IMMP2L: variants seen among roughly 807,000 people sequenced by gnomAD.
The protein encoded by IMMP2L is inner mitochondrial membrane peptidase subunit 2.
In IMMP2L, 18 loss-of-function variants were observed where a neutral mutation model predicts 19.3. The observed-to-expected ratio is 0.93, with a 90% CI of 0.64 to 1.38. IMMP2L has a LOEUF of 1.38. Ranked by LOEUF, IMMP2L falls within the 40% of genes most tolerant of loss-of-function variation. The pLI is 0.00. For synonymous variants in IMMP2L, 76 were observed against 73.0 expected, an observed-to-expected ratio of 1.04 and a Z score of -0.21; for missense variants, 233 against 218.2, an observed-to-expected ratio of 1.07 and a Z score of -0.43.
intron 4 of IMMP2L, among the ~76,000 whole-genome samples, chr7:110,933,072 C>T (rs1333252506): frequency 6.6e-6 from 1 of 152,208 alleles, no homozygotes; most frequent in East Asian, 1.9e-4. Flanking sequence ...GAAACGACAG[C>T]TATATTAACT....
intron 3 of IMMP2L, among the ~76,000 whole-genome samples, chr7:111,118,151 CATT>C (rs1800121416): frequency 6.6e-6 from 1 of 152,094 alleles, no homozygotes; most frequent in Non-Finnish European, 1.5e-5. Flanking sequence ...TACTGTGCAT[CATT>C]GTCCTCAGCT....
At chr7:111,529,992 C>A (rs1376863635) in intron 1 of IMMP2L, among the ~76,000 whole-genome samples, 1 of 152,172 alleles carries the variant, frequency 6.6e-6, no homozygotes, top group African/African-American at 2.4e-5. Context: ...TTTATGCACA[C>A]CCTTCCCTCT....
intron 5 of IMMP2L, among the ~76,000 whole-genome samples, chr7:110,835,355 C>T (rs1053667352): frequency 2.6e-5 from 4 of 152,020 alleles, no homozygotes; most frequent in Non-Finnish European, 4.4e-5. Context: ...ATCCACTTAC[C>T]TAATATGCGG....
At chr7:110,861,486 T>C (rs1380625995) in intron 5 of IMMP2L, among the ~76,000 whole-genome samples, 1 of 151,926 alleles carries the variant, frequency 6.6e-6, no homozygotes, top group Non-Finnish European at 1.5e-5. Context: ...AGGCTGGTCT[T>C]GAACTCCTAG....
chr7:111,197,381 T>C (rs967343662), intron 3 of IMMP2L, among the ~76,000 whole-genome samples: 2 of 152,088 alleles, frequency 1.3e-5, no homozygotes, highest in Admixed American at 6.5e-5. Context: ...GAGAACGGCG[T>C]GAACCCAGGA....
chr7:110,713,239 G>A (rs1281337697), intron 5 of IMMP2L, among the ~76,000 whole-genome samples: 2 of 152,178 alleles, frequency 1.3e-5, no homozygotes, highest in East Asian at 1.9e-4. Flanking sequence ...TTTGATTTCT[G>A]GGTTCTCTAT....
chr7:110,856,866 G>A (rs1187699504), intron 5 of IMMP2L, among the ~76,000 whole-genome samples: 3 of 152,032 alleles, frequency 2.0e-5, no homozygotes, highest in Admixed American at 1.3e-4. Context: ...GTCTTAAGAG[G>A]CAGGGAGTCC....
chr7:110,855,155 T>C (rs1185457243), intron 5 of IMMP2L, among the ~76,000 whole-genome samples: 1 of 151,366 alleles, frequency 6.6e-6, no homozygotes, highest in Admixed American at 6.6e-5. Flanking sequence ...GAAAAGAAAA[T>C]ATATGGGGAA....
intron 3 of IMMP2L, among the ~76,000 whole-genome samples, chr7:110,975,955 A>C (rs1002205022): frequency 4.6e-5 from 7 of 152,242 alleles, no homozygotes; most frequent in Non-Finnish European, 1.0e-4. Context: ...AACAGCTTTG[A>C]AATAAATGTG....
At chr7:111,178,422 T>C (rs922750530) in intron 3 of IMMP2L, among the ~76,000 whole-genome samples, 6 of 152,068 alleles carry the variant, frequency 3.9e-5, no homozygotes, top group Non-Finnish European at 8.8e-5. Flanking sequence ...TGCTGAAGGT[T>C]GGGGTAGCTG....
intron 3 of IMMP2L, among the ~76,000 whole-genome samples, chr7:111,067,768 C>T (rs1170702324): frequency 6.6e-6 from 1 of 151,994 alleles, no homozygotes; most frequent in African/African-American, 2.4e-5. Flanking sequence ...ACATTCAAAC[C>T]CAAGTTTGTC....
chr7:110,858,747 T>G (rs1353226262), intron 5 of IMMP2L, among the ~76,000 whole-genome samples: 2 of 151,080 alleles, frequency 1.3e-5, no homozygotes, highest in Non-Finnish European at 3.0e-5. Context: ...ATGCTATCCC[T>G]CCCTCCTCCC....
chr7:111,549,192 A>G (rs1849218202), intron 1 of IMMP2L, among the ~76,000 whole-genome samples: 2 of 152,252 alleles, frequency 1.3e-5, no homozygotes, highest in Non-Finnish European at 2.9e-5. Flanking sequence ...TTAATCTTCA[A>G]AACAAAAAAA....
intron 5 of IMMP2L, among the ~76,000 whole-genome samples, chr7:110,844,759 A>C (rs1196234807): frequency 2.6e-5 from 4 of 152,038 alleles, no homozygotes; most frequent in Non-Finnish European, 2.9e-5. Context: ...ACAGCATGGA[A>C]ATGGCAAGGA....
intron 3 of IMMP2L, among the ~76,000 whole-genome samples, chr7:111,270,904 A>G (rs1818391616): frequency 6.6e-6 from 1 of 152,172 alleles, no homozygotes; most frequent in African/African-American, 2.4e-5. Flanking sequence ...ATTTTTCAAA[A>G]TCTTAGTGTA....
At chr7:110,881,971 C>T (rs764591554) in intron 5 of IMMP2L, among the ~76,000 whole-genome samples, 1 of 152,132 alleles carries the variant, frequency 6.6e-6, no homozygotes, top group Non-Finnish European at 1.5e-5. Context: ...CTCTACTTCT[C>T]GAAGAGGCTC....
intron 3 of IMMP2L, among the ~76,000 whole-genome samples, chr7:111,435,254 C>T (rs368160464): frequency 1.7e-4 from 26 of 151,854 alleles, no homozygotes; most frequent in African/African-American, 5.8e-4. Flanking sequence ...CTGCACTAGT[C>T]ACAATAGCAA....
At chr7:111,355,947 T>C (rs1041995092) in intron 3 of IMMP2L, among the ~76,000 whole-genome samples, 1 of 152,018 alleles carries the variant, frequency 6.6e-6, no homozygotes, top group African/African-American at 2.4e-5. Flanking sequence ...ATATTTGCTT[T>C]CATGAGTATA....
At chr7:110,995,072 T>G (rs2129560210) in intron 3 of IMMP2L, among the ~76,000 whole-genome samples, 1 of 152,258 alleles carries the variant, frequency 6.6e-6, no homozygotes, top group African/African-American at 2.4e-5. Flanking sequence ...AAGAGACATC[T>G]GAAGAGCACC....
Sources: gnomAD v4.1 joint callset for allele counts (sites outside exome capture counted in the v4.1 genomes callset) on GRCh38, gnomAD v4.1.1 for gene constraint, MANE v1.5 for transcripts, NCBI Gene and HGNC (gene_info 2026-07-23, HGNC 2026-07-21) for gene names.